ZNF420: variants seen among roughly 807,000 people sequenced by gnomAD.
ZNF420 encodes zinc finger protein 420, also known as ATM and p53-associated KZNF protein.
ZNF420 carries 31 observed loss-of-function variants against 44.7 expected under a neutral mutation model. The ratio of observed to expected loss-of-function variants is 0.69; its 90% CI spans 0.52 to 0.94. ZNF420 has a LOEUF of 0.94. ZNF420 is among the 40% of genes least tolerant of loss of function. ZNF420 has a pLI of 0.00. For missense variants in ZNF420, 681 were observed against 827.9 expected, an observed-to-expected ratio of 0.82 and a Z score of 2.18; for synonymous variants, 245 against 267.4, an observed-to-expected ratio of 0.92 and a Z score of 0.82.
rs1969119838 is a variant in ZNF420, at chr19:37,091,114, A to G, written c.129A>G (p.Val43=). ...DVMLENYSNL[V]SLDLPSRCAS... ...TGTTGGAGAACTATAGCAACTTGGTATCACTAGGTAAGGAATCTAGCCTTC... is the reference window on the plus strand; with the variant it reads ...TGTTGGAGAACTATAGCAACTTGGTGTCACTAGGTAAGGAATCTAGCCTTC... The change falls in exon 4 of 5, where the codon GTA becomes GTG. Residue 43 remains valine, a synonymous_variant. Transcript: ENST00000337995. The G allele has an allele frequency of 6.3e-7, 1 of 1,585,798 alleles. No individual in the cohort carries two copies. The highest frequency in any genetic ancestry group is 1.4e-5 in the African/African-American group (1 of 73,566).
intron 1 of ZNF420, among the ~76,000 whole-genome samples, chr19:37,047,642 C>T (rs547417764): frequency 3.7e-4 from 56 of 152,290 alleles, no homozygotes; most frequent in Middle Eastern, 6.8e-3. Context: ...TTTGATCCTT[C>T]GTAATATCTC....
intron 1 of ZNF420, among the ~76,000 whole-genome samples, chr19:37,040,741 G>A (rs1018518559): frequency 6.6e-6 from 1 of 152,120 alleles, no homozygotes; most frequent in Non-Finnish European, 1.5e-5. Flanking sequence ...ACAAATTAAA[G>A]TTGCAGGGAA....
At chr19:37,107,229 G>C (rs560532616) in intron 4 of ZNF420, 6 of 152,314 alleles carry the variant, frequency 3.9e-5, no homozygotes, top group Non-Finnish European at 7.3e-5. Flanking sequence ...CTTCCCATGA[G>C]GCCATATCTC....
Position 37,129,107 on chromosome 19 carries a change from C to T in ZNF420, c.*49C>T, listed in dbSNP as rs1342922844. 12 of 1,557,192 alleles carry T rather than the reference C, an allele frequency of 7.7e-6. No homozygotes were observed. The highest frequency in any genetic ancestry group is 1.0e-5 in the Non-Finnish European group (12 of 1,150,508). On this transcript the variant is annotated 3_prime_UTR_variant, in exon 5 of 5. Transcript: ENST00000337995. Reference sequence around the variant, plus strand: ...TATGAAGAGGTTCTCTGGTTGTTAGCAGCAAAGAATTCTCACAAATGTGAA... The same window carrying T: ...TATGAAGAGGTTCTCTGGTTGTTAGTAGCAAAGAATTCTCACAAATGTGAA...
chr19:37,046,183 A>G (rs1367130805), intron 1 of ZNF420, among the ~76,000 whole-genome samples: 2 of 152,222 alleles, frequency 1.3e-5, no homozygotes, highest in Non-Finnish European at 2.9e-5. Flanking sequence ...CCAAATATGG[A>G]GAGACTGGAT....
intron 1 of ZNF420, among the ~76,000 whole-genome samples, chr19:37,038,810 A>G (rs1967401973): frequency 6.6e-6 from 1 of 151,964 alleles, no homozygotes; most frequent in African/African-American, 2.4e-5. Context: ...ACACATGGAG[A>G]AGCCCCGTCT....
chr19:37,017,135 G>T (rs950969210), intron 1 of ZNF420, among the ~76,000 whole-genome samples: 1 of 152,156 alleles, frequency 6.6e-6, no homozygotes, highest in Admixed American at 6.5e-5. Flanking sequence ...CCACAGATCT[G>T]TAGCCATTCT....
chr19:37,123,801 G>A (rs1490917974), intron 4 of ZNF420, among the ~76,000 whole-genome samples: 1 of 149,962 alleles, frequency 6.7e-6, no homozygotes, highest in Non-Finnish European at 1.5e-5. Context: ...TAGAGAGGGG[G>A]TTTCACGAGT....
At chr19:37,096,865 T>C (rs1039792835) in intron 4 of ZNF420, among the ~76,000 whole-genome samples, 6 of 152,134 alleles carry the variant, frequency 3.9e-5, no homozygotes, top group Admixed American at 6.6e-5. Flanking sequence ...GCTTTTCTTT[T>C]TATGTTCTCT....
At chr19:37,035,845 A>G (rs1215473320) in intron 1 of ZNF420, among the ~76,000 whole-genome samples, 3 of 152,208 alleles carry the variant, frequency 2.0e-5, no homozygotes, top group Non-Finnish European at 4.4e-5. Flanking sequence ...ATAAAAATAT[A>G]TGACTCAAAG....
chr19:37,102,287 C>T (rs1233041726), intron 4 of ZNF420, among the ~76,000 whole-genome samples: 1 of 152,148 alleles, frequency 6.6e-6, no homozygotes, highest in African/African-American at 2.4e-5. Context: ...GTGAGCCCAT[C>T]GTGAAGACTC....
chr19:37,112,444 C>T lies in ZNF420; in HGVS notation c.137-14684C>T, dbSNP rs143796042. 1.1e-4 allele frequency among the ~76,000 whole-genome samples: 17 copies of T among 152,304 alleles called. No individual in the cohort carries two copies. The East Asian group carries it at 3.3e-3, about 29-fold the overall frequency. On this transcript the variant is annotated intron_variant, in intron 4 of 4. Transcript: ENST00000337995. The stretch of plus-strand genomic sequence containing the variant: ...AATGTAAAATCTCAGCACTTTGATA[C>T]ACTTCTGAGGCAGTGCCTACGCCGA...
intron 1 of ZNF420, among the ~76,000 whole-genome samples, chr19:37,021,703 C>T (rs1368440326): frequency 6.6e-6 from 1 of 151,698 alleles, no homozygotes; most frequent in Non-Finnish European, 1.5e-5. Context: ...CTTTGGGAGG[C>T]CAAGGCATGG....
chr19:37,107,362 C>G (rs2146640081), intron 4 of ZNF420: 1 of 152,328 alleles, frequency 6.6e-6, no homozygotes, highest in East Asian at 1.9e-4. Context: ...TGACTTTTAA[C>G]AAGCATACTG....
chr19:37,076,384 A>G (rs1968153621), upstream of ZNF420, among the ~76,000 whole-genome samples: 1 of 150,200 alleles, frequency 6.7e-6, no homozygotes, highest in Non-Finnish European at 1.5e-5. Flanking sequence ...ATTTTTATTT[A>G]TTTATTATAC....
intron 1 of ZNF420, among the ~76,000 whole-genome samples, chr19:37,014,936 C>T (rs914403726): frequency 2.6e-5 from 4 of 152,172 alleles, no homozygotes; most frequent in African/African-American, 9.6e-5. Flanking sequence ...CCTAAGGATC[C>T]CTATGATGTA....
intron 1 of ZNF420, chr19:37,025,160 T>C: frequency 2.4e-6 from 1 of 421,562 alleles, no homozygotes; most frequent in Non-Finnish European, 3.8e-6. Flanking sequence ...GAATGAAATC[T>C]ATGATGTACA....
At chr19:37,089,228 C>G in intron 3 of ZNF420, 101 bp downstream of exon 3, 1 of 1,005,372 alleles carries the variant, frequency 9.9e-7, no homozygotes, top group Non-Finnish European at 1.6e-6. Flanking sequence ...ACTGACCTCA[C>G]TCAGGAATGT....
At chr19:37,011,225 C>T (rs1599590110) in intron 1 of ZNF420, among the ~76,000 whole-genome samples, 1 of 152,202 alleles carries the variant, frequency 6.6e-6, no homozygotes, top group African/African-American at 2.4e-5. Context: ...ATGATTGTTT[C>T]TCTCTCCAAA....
Sources: allele counts gnomAD v4.1 joint callset (sites outside exome capture counted in the v4.1 genomes callset), GRCh38; gene constraint gnomAD v4.1.1; transcripts MANE v1.5; gene names NCBI Gene and HGNC (gene_info 2026-07-23, HGNC 2026-07-21).